TACR3: variants seen among roughly 807,000 people sequenced by gnomAD.
The protein encoded by TACR3 is neuromedin-K receptor.
In TACR3, 34 loss-of-function variants were observed where a neutral mutation model predicts 35.0. The observed-to-expected ratio is 0.97, with a 90% confidence interval of 0.74 to 1.30. TACR3 has a LOEUF of 1.30. Among genes scored for constraint, TACR3 ranks in the 50% most tolerant of loss-of-function variants. The pLI, the probability that TACR3 is intolerant of heterozygous loss-of-function variation, is 0.00. For synonymous variants in TACR3, 233 were observed against 221.1 expected, an observed-to-expected ratio of 1.05 and a Z score of -0.48; for missense variants, 558 against 591.7, an observed-to-expected ratio of 0.94 and a Z score of 0.59.
chr4:103,678,930 G>A (rs935093967), intron 1 of TACR3, among the ~76,000 whole-genome samples: 7 of 151,778 alleles, frequency 4.6e-5, no homozygotes, highest in African/African-American at 1.5e-4. Flanking sequence ...TGACTTATTA[G>A]TAATATAATC....
chr4:103,696,065 A>T (rs1241863514), intron 1 of TACR3, among the ~76,000 whole-genome samples: 1 of 152,120 alleles, frequency 6.6e-6, no homozygotes, highest in Admixed American at 6.6e-5. Context: ...ATAAGTTACA[A>T]TGTTTGGTAA....
At chr4:103,595,697 T>C (rs1029216272) in intron 3 of TACR3, among the ~76,000 whole-genome samples, 1 of 151,916 alleles carries the variant, frequency 6.6e-6, no homozygotes, top group African/African-American at 2.4e-5. Flanking sequence ...TTTAGAAAAC[T>C]CTAGGGGTCA....
intron 1 of TACR3, among the ~76,000 whole-genome samples, chr4:103,708,771 A>G (rs1000716059): frequency 1.3e-5 from 2 of 152,170 alleles, no homozygotes; most frequent in Non-Finnish European, 2.9e-5. Context: ...AAGATTAGAC[A>G]AATGGCTAAC....
intron 1 of TACR3, among the ~76,000 whole-genome samples, chr4:103,697,895 T>C (rs1387577545): frequency 1.3e-5 from 2 of 152,194 alleles, no homozygotes; most frequent in Admixed American, 6.6e-5. Context: ...TTCCAGTGAG[T>C]CCTGTTTCAC....
At chr4:103,591,396 T>G (rs1229732052) in intron 4 of TACR3, 91 bp downstream of exon 4, 1 of 1,511,666 alleles carries the variant, frequency 6.6e-7, no homozygotes, top group Non-Finnish European at 9.2e-7. Flanking sequence ...TTCTGCATTT[T>G]GAATTTGAAC....
At chr4:103,651,310 A>C (rs955804361) in intron 3 of TACR3, among the ~76,000 whole-genome samples, 2 of 151,524 alleles carry the variant, frequency 1.3e-5, no homozygotes, top group Non-Finnish European at 2.9e-5. Context: ...CACAAGAATC[A>C]GTTGTTTCCC....
At position 103,719,853 on chromosome 4, in the gene TACR3, CAACA is replaced by C; in HGVS notation, c.-182_-179del. On this transcript the variant is annotated 5_prime_UTR_variant, in exon 1 of 5. Transcript: ENST00000304883. Reference sequence around the variant, plus strand: ...AGGGGATGCAGCTGGGGCTAAGGGGCAACAGCTGCACTTTCTCAGAGGCGCTTGC... The same window carrying C: ...AGGGGATGCAGCTGGGGCTAAGGGGCGCTGCACTTTCTCAGAGGCGCTTGC... 1.3e-6 allele frequency: 1 copy of C among 755,206 alleles called. No homozygotes were observed. Among genetic ancestry groups the C allele is most frequent in the Non-Finnish European group, 2.1e-6 (1 of 474,176 alleles). 46.8% of individuals were successfully genotyped at this position (755,206 alleles called of 1,614,324 possible).
chr4:103,711,865 G>T (rs997952370), intron 1 of TACR3, among the ~76,000 whole-genome samples: 3 of 152,100 alleles, frequency 2.0e-5, no homozygotes, highest in Admixed American at 2.0e-4. Flanking sequence ...CAAACAGAGA[G>T]CCAAATCATG....
chr4:103,679,953 A>C (rs1353765794), intron 1 of TACR3, among the ~76,000 whole-genome samples: 2 of 151,812 alleles, frequency 1.3e-5, no homozygotes, highest in Non-Finnish European at 2.9e-5. Context: ...GGTGTGATAA[A>C]CCCTTAAATC....
At chr4:103,617,083 T>C (rs1359186356) in intron 3 of TACR3, among the ~76,000 whole-genome samples, 1 of 152,194 alleles carries the variant, frequency 6.6e-6, no homozygotes, top group Non-Finnish European at 1.5e-5. Context: ...ACTCTTAATA[T>C]GCTACTTCAC....
intron 1 of TACR3, among the ~76,000 whole-genome samples, chr4:103,695,113 C>T (rs1722492885): frequency 6.6e-6 from 1 of 152,140 alleles, no homozygotes; most frequent in South Asian, 2.1e-4. Context: ...CATCAAACTT[C>T]TACTATGGTT....
intron 3 of TACR3, among the ~76,000 whole-genome samples, chr4:103,643,095 T>G (rs11946052): frequency 0.026 from 3,885 of 151,986 alleles, 192 homozygotes; most frequent in African/African-American, 0.089. Context: ...GGATTTGCTT[T>G]ATTGTTTTTA....
intron 3 of TACR3, among the ~76,000 whole-genome samples, chr4:103,598,724 T>A (rs1447978188): frequency 1.3e-5 from 2 of 152,218 alleles, no homozygotes; most frequent in East Asian, 1.9e-4. Context: ...CTTTCCCCAT[T>A]TCTTGTTTTT....
intron 3 of TACR3, among the ~76,000 whole-genome samples, chr4:103,602,032 G>A (rs371217566): frequency 9.2e-5 from 14 of 152,164 alleles, no homozygotes; most frequent in East Asian, 1.9e-4. Flanking sequence ...CCAATCAGAC[G>A]TAGATTTGGT....
Position 103,589,905 on chromosome 4 carries a change from A to G in TACR3, c.1175T>C (p.Phe392Ser). ...YDELELKTTRFHPNRQSSMYT... is the reference protein window; with the variant it reads ...YDELELKTTRSHPNRQSSMYT... ...CATACTGCTTTGCCGGTTTGGATGAAACCTGGTGGTCTTGAGCTCTAGCTC... is the reference window on the plus strand; with the variant it reads ...CATACTGCTTTGCCGGTTTGGATGAGACCTGGTGGTCTTGAGCTCTAGCTC... Residue 392 changes from phenylalanine to serine, a missense_variant, in exon 5 of 5, where the codon TTT becomes TCT. Phe to Ser is a radical substitution (Grantham distance 155). Coordinates refer to ENST00000304883, the MANE Select transcript of TACR3 (RefSeq NM_001059.3). 1 of 1,613,998 alleles carries G rather than the reference A, an allele frequency of 6.2e-7. No individual in the cohort carries two copies. The highest frequency in any genetic ancestry group is 8.5e-7 in the Non-Finnish European group (1 of 1,179,900).
At chr4:103,597,533 C>T (rs1484164361) in intron 3 of TACR3, among the ~76,000 whole-genome samples, 1 of 151,972 alleles carries the variant, frequency 6.6e-6, no homozygotes, top group Non-Finnish European at 1.5e-5. Flanking sequence ...TATACATGTG[C>T]CATGTTGGTC....
At chr4:103,697,031 T>C (rs1446347273) in intron 1 of TACR3, among the ~76,000 whole-genome samples, 1 of 152,084 alleles carries the variant, frequency 6.6e-6, no homozygotes, top group Non-Finnish European at 1.5e-5. Context: ...CTCCCATTTC[T>C]GCCTCCCAAA....
intron 3 of TACR3, among the ~76,000 whole-genome samples, chr4:103,637,459 A>G (rs1172263581): frequency 1.1e-4 from 16 of 152,306 alleles, no homozygotes; most frequent in Middle Eastern, 3.4e-3. Context: ...AGAGCTATCT[A>G]TGACAAACCC....
chr4:103,633,767 A>T (rs1038969768), intron 3 of TACR3, among the ~76,000 whole-genome samples: 3 of 152,104 alleles, frequency 2.0e-5, no homozygotes, highest in African/African-American at 7.2e-5. Flanking sequence ...TGAATCGTTT[A>T]AAAAATAGCC....
Sources: gnomAD v4.1 joint callset for allele counts (sites outside exome capture counted in the v4.1 genomes callset) on GRCh38, gnomAD v4.1.1 for gene constraint, MANE v1.5 for transcripts, NCBI Gene and HGNC (gene_info 2026-07-23, HGNC 2026-07-21) for gene names.